SLC9B1: variants seen among roughly 807,000 people sequenced by gnomAD.
SLC9B1 encodes the protein solute carrier family 9 member B1.
Under a neutral mutation model 51.7 loss-of-function variants are expected in SLC9B1, and 32 were observed. That is an observed-to-expected ratio of 0.62 (90% CI 0.47 to 0.83). The LOEUF (loss-of-function observed/expected upper bound fraction) is 0.83. SLC9B1 is among the 40% of genes least tolerant of loss of function. The pLI, the probability that SLC9B1 is intolerant of heterozygous loss-of-function variation, is 0.00. For missense variants in SLC9B1, 406 were observed against 613.2 expected, an observed-to-expected ratio of 0.66 and a Z score of 3.57; for synonymous variants, 145 against 212.7, an observed-to-expected ratio of 0.68 and a Z score of 2.77.
chr4:103,004,589 G>A (rs1045713283), intron 1 of SLC9B1, among the ~76,000 whole-genome samples: 53 of 152,120 alleles, frequency 3.5e-4, no homozygotes, highest in African/African-American at 1.2e-3. Context: ...GAGAACCCTT[G>A]TGAGATACTA....
chr4:102,965,025 C>A (rs1472076794), intron 3 of SLC9B1, among the ~76,000 whole-genome samples: 1 of 152,022 alleles, frequency 6.6e-6, no homozygotes, highest in Non-Finnish European at 1.5e-5. Flanking sequence ...ACATACCACA[C>A]CCCCTCCCAG....
chr4:102,950,546 C>A (rs1737494989), intron 3 of SLC9B1, among the ~76,000 whole-genome samples: 1 of 152,164 alleles, frequency 6.6e-6, no homozygotes, highest in South Asian at 2.1e-4. Context: ...TTAGCTATGA[C>A]CCCTTTCCGG....
At chr4:102,907,246 T>C (rs1188808829) in intron 9 of SLC9B1, among the ~76,000 whole-genome samples, 1 of 152,170 alleles carries the variant, frequency 6.6e-6, no homozygotes, top group African/African-American at 2.4e-5. Context: ...AGATTTTGTC[T>C]GTAAAGTAAC....
In SLC9B1 at chr4:102,905,755, T is replaced by C. The variant is rs561032103; in HGVS notation, c.1196-105A>G. 8.0e-4 allele frequency: 832 copies of C among 1,044,554 alleles called. 1 individual carries two copies. The highest frequency in any genetic ancestry group is 1.1e-3 in the Non-Finnish European group (778 of 701,844). The allele number at this position is 1,044,554 out of a possible 1,614,324, so 64.7% of individuals were successfully genotyped here. On this transcript the variant is annotated intron_variant, in intron 10 of 11. Coordinates refer to ENST00000296422, the MANE Select transcript of SLC9B1 (RefSeq NM_139173.4). ...AACTTTTGAAAACATTTTAAGGCTA[T>C]TGTCTCTTCATGTGCTTATTTTTTA... is the stretch of plus-strand genomic sequence containing the variant.
intron 11 of SLC9B1, chr4:102,891,648 T>C (rs1734254853): frequency 6.6e-6 from 1 of 152,224 alleles, no homozygotes; most frequent in Admixed American, 6.5e-5. Flanking sequence ...TACTCGATGA[T>C]TGGAGGCTTT....
At chr4:103,014,250 C>T (rs1741212570) in intron 1 of SLC9B1, among the ~76,000 whole-genome samples, 1 of 152,194 alleles carries the variant, frequency 6.6e-6, no homozygotes, top group South Asian at 2.1e-4. Flanking sequence ...CCTTCCAACA[C>T]CAACACTCTT....
chr4:103,008,691 T>C (rs939810521), intron 1 of SLC9B1, among the ~76,000 whole-genome samples: 14 of 151,658 alleles, frequency 9.2e-5, no homozygotes, highest in Non-Finnish European at 2.1e-4. Context: ...CCCTGATACA[T>C]CATATTGAGT....
chr4:102,904,605 A>G (rs1422931895), intron 11 of SLC9B1, among the ~76,000 whole-genome samples: 1 of 152,100 alleles, frequency 6.6e-6, no homozygotes, highest in Non-Finnish European at 1.5e-5. Context: ...GAACTTTAGG[A>G]GGCTGAGGCA....
intron 2 of SLC9B1, 143 bp from the exon 3 acceptor site, chr4:102,990,084 C>A: frequency 1.5e-6 from 1 of 661,748 alleles, no homozygotes; most frequent in Non-Finnish European, 2.4e-6. Flanking sequence ...ATTCATGCTC[C>A]ATATCAGTAG....
chr4:102,902,032 C>T lies in SLC9B1; in HGVS notation c.1333-700G>A, dbSNP rs1450799728. Among the ~76,000 whole-genome samples the T allele has an allele frequency of 4.6e-5, 7 of 152,292 alleles. No individual in the cohort carries two copies. The South Asian group carries it at 1.5e-3, about 32-fold the overall frequency. On this transcript the variant is annotated intron_variant, in intron 11 of 11. Transcript: ENST00000296422. Reference sequence around the variant, plus strand: ...GATAGTAGTAAGTTTCTCTCTCCCTCACTCCTCATGCCCTGCCAGGTCAGA... The same window carrying T: ...GATAGTAGTAAGTTTCTCTCTCCCTTACTCCTCATGCCCTGCCAGGTCAGA...
chr4:102,983,731 CTCTTT>C (rs1553910376), intron 3 of SLC9B1, among the ~76,000 whole-genome samples: 1 of 152,060 alleles, frequency 6.6e-6, no homozygotes, highest in Non-Finnish European at 1.5e-5. Context: ...GCAATGTCTT[CTCTTT>C]TATTTCTGAT....
intron 9 of SLC9B1, among the ~76,000 whole-genome samples, chr4:102,908,754 T>G: frequency 6.6e-6 from 1 of 152,304 alleles, no homozygotes. Flanking sequence ...AAATTTTACT[T>G]TCATACACCA....
At chr4:102,988,487 G>T (rs763996610) in intron 3 of SLC9B1, among the ~76,000 whole-genome samples, 1 of 152,026 alleles carries the variant, frequency 6.6e-6, no homozygotes, top group Non-Finnish European at 1.5e-5. Flanking sequence ...AAATTATTTT[G>T]TTGTTTCATT....
intron 1 of SLC9B1, among the ~76,000 whole-genome samples, chr4:103,007,597 T>C (rs1740853253): frequency 6.8e-6 from 1 of 147,782 alleles, no homozygotes; most frequent in Non-Finnish European, 1.5e-5. Flanking sequence ...TCATCTTTTT[T>C]TTTTTTTTTT....
intron 7 of SLC9B1, among the ~76,000 whole-genome samples, chr4:102,920,990 G>A (rs2110443449): frequency 6.6e-6 from 1 of 152,338 alleles, no homozygotes; most frequent in East Asian, 1.9e-4. Flanking sequence ...ACACTCTTCA[G>A]GATATTATCC....
intron 1 of SLC9B1, 116 bp downstream of exon 1, chr4:103,019,483 T>G: frequency 1.5e-6 from 1 of 655,416 alleles, no homozygotes; most frequent in Non-Finnish European, 1.9e-6. Flanking sequence ...AGAATCCCAT[T>G]GAACTGAGGG....
At chr4:102,993,536 G>A (rs1196123757) in intron 1 of SLC9B1, among the ~76,000 whole-genome samples, 1 of 152,204 alleles carries the variant, frequency 6.6e-6, no homozygotes, top group Non-Finnish European at 1.5e-5. Flanking sequence ...TGCTTTTCCA[G>A]GCACATGGTG....
At chr4:102,906,376 G>A in intron 10 of SLC9B1, 160 bp downstream of exon 10, 1 of 436,962 alleles carries the variant, frequency 2.3e-6, no homozygotes. Flanking sequence ...AGAGCACCCA[G>A]TGTAAAGGAA....
At chr4:102,903,561 A>T (rs112221976) in intron 11 of SLC9B1, among the ~76,000 whole-genome samples, 7,730 of 80,024 alleles carry the variant, frequency 0.097, no homozygotes, top group South Asian at 0.11. Flanking sequence ...ACAGGTAGTC[A>T]GGCCCTATGA....
Sources: allele counts gnomAD v4.1 joint callset (sites outside exome capture counted in the v4.1 genomes callset), GRCh38; gene constraint gnomAD v4.1.1; transcripts MANE v1.5; gene names NCBI Gene and HGNC (gene_info 2026-07-23, HGNC 2026-07-21).